Variants in CDC42BPA observed in about 807,000 individuals in gnomAD.
The protein encoded by CDC42BPA is serine/threonine-protein kinase MRCK alpha.
A neutral mutation model predicts 223.5 loss-of-function variants in CDC42BPA; 80 were observed. The observed-to-expected ratio is 0.36, with a 90% CI of 0.30 to 0.43. CDC42BPA has a LOEUF of 0.43. Among genes scored for constraint, CDC42BPA ranks in the 20% least tolerant of loss-of-function variants. The pLI is 1.00. For synonymous variants in CDC42BPA, 694 were observed against 718.6 expected, an observed-to-expected ratio of 0.97 and a Z score of 0.55; for missense variants, 1,743 against 2,099.9, an observed-to-expected ratio of 0.83 and a Z score of 3.32.
At chr1:227,213,028 C>T in intron 3 of CDC42BPA, 108 bp downstream of exon 3, 1 of 556,894 alleles carries the variant, frequency 1.8e-6, no homozygotes, top group Non-Finnish European at 3.1e-6. Flanking sequence ...AAAAATGTCA[C>T]CACAGACAAA....
intron 4 of CDC42BPA, among the ~76,000 whole-genome samples, chr1:227,197,367 C>A (rs1670928470): frequency 6.6e-6 from 1 of 152,154 alleles, no homozygotes; most frequent in African/African-American, 2.4e-5. Flanking sequence ...ATGATGAAGG[C>A]TCCCCTAAAG....
intron 20 of CDC42BPA, among the ~76,000 whole-genome samples, chr1:227,070,213 C>G (rs556901663): frequency 2.0e-5 from 3 of 151,854 alleles, no homozygotes; most frequent in African/African-American, 7.2e-5. Context: ...ACCAAACAGG[C>G]TTATGTTTTG....
At chr1:227,242,111 T>C (rs1188877854) in intron 2 of CDC42BPA, among the ~76,000 whole-genome samples, 1 of 152,142 alleles carries the variant, frequency 6.6e-6, no homozygotes, top group Non-Finnish European at 1.5e-5. Context: ...ATTTCTATAG[T>C]ACTGTAATAT....
chr1:227,266,757 C>T (rs1158161927), intron 1 of CDC42BPA, among the ~76,000 whole-genome samples: 2 of 152,160 alleles, frequency 1.3e-5, no homozygotes, highest in Non-Finnish European at 2.9e-5. Context: ...TTATGTTTTG[C>T]ATACCAACTT....
intron 16 of CDC42BPA, among the ~76,000 whole-genome samples, chr1:227,085,732 C>T (rs1467728821): frequency 6.6e-6 from 1 of 152,240 alleles, no homozygotes; most frequent in African/African-American, 2.4e-5. Context: ...ACTGCTGGCA[C>T]ACACTGATTT....
chr1:227,008,080 C>A (rs770665505), intron 34 of CDC42BPA, among the ~76,000 whole-genome samples: 5 of 152,148 alleles, frequency 3.3e-5, no homozygotes, highest in Non-Finnish European at 7.3e-5. Context: ...ATTTCTTATA[C>A]TGACTGTTAT....
At chr1:227,256,640 C>T (rs1215055287) in intron 1 of CDC42BPA, among the ~76,000 whole-genome samples, 1 of 151,862 alleles carries the variant, frequency 6.6e-6, no homozygotes, top group Non-Finnish European at 1.5e-5. Context: ...TTAAATAAAA[C>T]AGAAAATAAC....
chr1:227,026,490 G>A (rs1451533364), intron 30 of CDC42BPA, among the ~76,000 whole-genome samples: 1 of 152,180 alleles, frequency 6.6e-6, no homozygotes, highest in Non-Finnish European at 1.5e-5. Context: ...GTTATTGACA[G>A]TGAATCAAAC....
intron 5 of CDC42BPA, among the ~76,000 whole-genome samples, chr1:227,178,121 T>C (rs1049534207): frequency 2.1e-4 from 32 of 152,186 alleles, no homozygotes; most frequent in African/African-American, 7.7e-4. Flanking sequence ...CCAATAATTC[T>C]CATACGTGGA....
chr1:227,164,510 A>AC (rs1558654051), intron 5 of CDC42BPA, among the ~76,000 whole-genome samples: 1 of 152,094 alleles, frequency 6.6e-6, no homozygotes, highest in Non-Finnish European at 1.5e-5. Context: ...TATAAAAAAA[A>AC]ATATTAAATC....
At chr1:227,145,786 T>C (rs1299964582) in intron 7 of CDC42BPA, 49 bp from the exon 8 acceptor site, 2 of 1,454,620 alleles carry the variant, frequency 1.4e-6, no homozygotes, top group Non-Finnish European at 1.9e-6. Flanking sequence ...TTTAACATAC[T>C]AAGTAGTTGG....
In CDC42BPA at chr1:227,317,633, C is replaced by A; in HGVS notation, c.-451G>T. The stretch of plus-strand genomic sequence containing the variant: ...CGATTTGCATCAGCAATTCACTTCC[C>A]GGGAAGAAGAAAAACAGAAAAGGGA... On this transcript the variant is annotated 5_prime_UTR_variant, in exon 1 of 37. Coordinates refer to ENST00000366766, the MANE Select transcript of CDC42BPA (RefSeq NM_001394014.1). The A allele has an allele frequency of 2.5e-6, 1 of 398,038 alleles. No individual in the cohort carries two copies. The highest frequency in any genetic ancestry group is 4.4e-6 in the Non-Finnish European group (1 of 225,986). 24.7% of individuals were successfully genotyped at this position (398,038 alleles called of 1,614,324 possible).
chr1:227,069,678 T>G (rs1445088057), intron 21 of CDC42BPA, 99 bp downstream of exon 21: 1 of 753,672 alleles, frequency 1.3e-6, no homozygotes, highest in African/African-American at 1.8e-5. Context: ...GGTCCTCTGA[T>G]GTGGGAAGCA....
chr1:227,025,557 A>G (rs1035060996), intron 31 of CDC42BPA, among the ~76,000 whole-genome samples: 65 of 152,316 alleles, frequency 4.3e-4, no homozygotes, highest in African/African-American at 1.6e-3. Flanking sequence ...TTATGGAAAC[A>G]GGATTATATA....
intron 21 of CDC42BPA, among the ~76,000 whole-genome samples, chr1:227,055,058 GAATAT>G (rs1226244390): frequency 2.6e-5 from 4 of 151,720 alleles, no homozygotes; most frequent in Admixed American, 6.6e-5. Flanking sequence ...AAAAACCTAT[GAATAT>G]AATAATTAAA....
intron 5 of CDC42BPA, among the ~76,000 whole-genome samples, chr1:227,166,956 G>A (rs984764517): frequency 5.3e-5 from 8 of 152,110 alleles, no homozygotes; most frequent in African/African-American, 1.7e-4. Flanking sequence ...CAGAAAGAAG[G>A]TTACACTTAA....
rs565764957 is a variant in CDC42BPA at position 227,151,641 on chromosome 1, T to G, written c.694-4082A>C. Among the ~76,000 whole-genome samples, 13 of 152,272 alleles carry G rather than the reference T, an allele frequency of 8.5e-5. No homozygotes were observed. The South Asian group carries it at 2.7e-3, about 32-fold the overall frequency. ...CCTTGACAACACTTGTTATTTTCTG[T>G]TTTTTGATAGTAGCAATCCTGCTGA... On this transcript the variant is annotated intron_variant, in intron 6 of 36. Transcript: ENST00000366766.
chr1:227,290,518 T>C (rs1401693573), intron 1 of CDC42BPA, among the ~76,000 whole-genome samples: 1 of 151,918 alleles, frequency 6.6e-6, no homozygotes, highest in Non-Finnish European at 1.5e-5. Flanking sequence ...AACACAGATA[T>C]AATAGAATTT....
At position 227,145,709 on chromosome 1, in the gene CDC42BPA, G is replaced by A. The variant is rs2149674416; in HGVS notation, c.923C>T (p.Thr308Ile). Reference protein sequence around the residue: ...KERFQFPAQVTDVSENAKDLI... With the variant: ...KERFQFPAQVIDVSENAKDLI... ...ATCCTTAGCATTTTCAGACACATCA[G>A]TCACTTGGGCTGGAAACTGAAACCT... Residue 308 changes from threonine to isoleucine, a missense_variant, in exon 8 of 37, where the codon ACT (threonine) becomes ATT (isoleucine). Coordinates refer to ENST00000366766, the MANE Select transcript of CDC42BPA (RefSeq NM_001394014.1). 3 of 1,613,576 alleles carry A rather than the reference G, an allele frequency of 1.9e-6. No individual in the cohort carries two copies. Among genetic ancestry groups the A allele is most frequent in the Non-Finnish European group, 2.5e-6 (3 of 1,179,624 alleles).
Sources: allele counts gnomAD v4.1 joint callset (sites outside exome capture counted in the v4.1 genomes callset), GRCh38; gene constraint gnomAD v4.1.1; transcripts MANE v1.5; gene names NCBI Gene and HGNC (gene_info 2026-07-23, HGNC 2026-07-21).